Variants in CHMP3 observed in about 807,000 individuals in gnomAD.
CHMP3 encodes charged multivesicular body protein 3.
CHMP3 carries 8 observed loss-of-function variants against 27.4 expected under a neutral mutation model. The observed-to-expected ratio is 0.29, with a 90% CI of 0.17 to 0.53. The LOEUF (loss-of-function observed/expected upper bound fraction) is 0.53, where lower values mean the gene tolerates loss of function less well. Ranked by LOEUF, CHMP3 falls within the 20% of genes least tolerant of loss-of-function variation. The probability of loss-of-function intolerance (pLI) is 0.96; values close to 1 mark genes in which losing one functional copy is unlikely to be tolerated. For missense variants in CHMP3, 208 were observed against 271.5 expected, an observed-to-expected ratio of 0.77 and a Z score of 1.64; for synonymous variants, 86 against 85.5, an observed-to-expected ratio of 1.01 and a Z score of -0.03.
rs768644354 is a variant in CHMP3 at position 86,507,561 on chromosome 2, A to G, written c.441T>C (p.Thr147=). ...CTTCCTGATCGTCCATGCTTTCAAA[A>G]GTGTCCTCTAACATCTCCTCTATGA... ...AGIIEEMLED[T]FESMDDQEEM... The change falls in exon 5 of 6, where the codon ACT becomes ACC. Residue 147 remains threonine (T), a synonymous_variant. Coordinates refer to ENST00000263856, the MANE Select transcript of CHMP3 (RefSeq NM_016079.4). 2 of 1,614,182 alleles carry G rather than the reference A, an allele frequency of 1.2e-6. No individual in the cohort carries two copies. Among genetic ancestry groups the G allele is most frequent in the Non-Finnish European group, 1.7e-6 (2 of 1,180,028 alleles).
intron 3 of CHMP3, among the ~76,000 whole-genome samples, chr2:86,527,683 G>A (rs141583100): frequency 2.0e-5 from 3 of 152,168 alleles, no homozygotes; most frequent in East Asian, 3.9e-4. Flanking sequence ...AAGATAGGCC[G>A]GAAGTGGTGG....
chr2:86,518,799 G>A (rs144911722), intron 3 of CHMP3, among the ~76,000 whole-genome samples: 53 of 152,168 alleles, frequency 3.5e-4, no homozygotes, highest in Non-Finnish European at 5.9e-4. Flanking sequence ...AATCAGTGGC[G>A]TAGGCTAATA....
rs1054295166 is a variant in CHMP3 at position 86,520,114 on chromosome 2, G to C, written c.286+9104C>G. 2.0e-5 allele frequency among the ~76,000 whole-genome samples: 3 copies of C among 152,170 alleles called. No homozygotes were observed. In the South Asian group the frequency reaches 6.2e-4, roughly 31 times the overall value. Reference sequence around the variant, plus strand: ...AGTTATCAGTGGGTAAGGGGGCTGAGGCCAAGACAAAGAAATTGGTGAACA... The same window carrying C: ...AGTTATCAGTGGGTAAGGGGGCTGACGCCAAGACAAAGAAATTGGTGAACA... On this transcript the variant is annotated intron_variant, in intron 3 of 5. Transcript: ENST00000263856.
At chr2:86,524,825 C>T (rs1390132890) in intron 3 of CHMP3, among the ~76,000 whole-genome samples, 1 of 152,160 alleles carries the variant, frequency 6.6e-6, no homozygotes, top group Non-Finnish European at 1.5e-5. Flanking sequence ...TGGGTATTCA[C>T]TCTGCTTTTG....
At chr2:86,561,246 A>C (rs1369474229) in intron 1 of CHMP3, among the ~76,000 whole-genome samples, 1 of 152,212 alleles carries the variant, frequency 6.6e-6, no homozygotes, top group Non-Finnish European at 1.5e-5. Context: ...AAACTGTATG[A>C]CCTTGGGCAA....
intron 3 of CHMP3, among the ~76,000 whole-genome samples, chr2:86,521,210 GC>G (rs1336869604): frequency 3.9e-5 from 6 of 151,982 alleles, no homozygotes; most frequent in African/African-American, 1.5e-4. Context: ...TTTGGACTCA[GC>G]CCACCTGCAC....
chr2:86,520,064 A>G (rs1392041799), intron 3 of CHMP3, among the ~76,000 whole-genome samples: 1 of 152,216 alleles, frequency 6.6e-6, no homozygotes, highest in African/African-American at 2.4e-5. Flanking sequence ...AAACTGCAGG[A>G]CAGTTCATAT....
intron 5 of CHMP3, 49 bp downstream of exon 5, chr2:86,507,430 A>T (rs1294166350): frequency 3.3e-6 from 5 of 1,531,612 alleles, no homozygotes; most frequent in African/African-American, 1.4e-5. Flanking sequence ...TGAATGAAGG[A>T]AGAATGGCCA....
chr2:86,507,230 C>G (rs551679729), intron 5 of CHMP3: 2 of 354,696 alleles, frequency 5.6e-6, no homozygotes, highest in African/African-American at 4.2e-5. Flanking sequence ...GTTTAAAATC[C>G]CAACAGCAGT....
Position 86,563,368 on chromosome 2 carries a change from G to A in CHMP3, c.-20C>T, listed in dbSNP as rs1677474187. On this transcript the variant is annotated 5_prime_UTR_variant, in exon 1 of 6. Coordinates refer to ENST00000263856, the MANE Select transcript of CHMP3 (RefSeq NM_016079.4). ...CCCCATGACGAACTGAACCCGTCTT[G>A]CCCCTTCCGGCTTTCAGTTCCCCGC... 2 of 1,612,922 alleles carry A rather than the reference G, an allele frequency of 1.2e-6. No homozygotes were observed. Among genetic ancestry groups the A allele is most frequent in the Non-Finnish European group, 1.7e-6 (2 of 1,179,466 alleles).
At position 86,520,248 on chromosome 2, in the gene CHMP3, A is replaced by C. The variant is rs1675470471; in HGVS notation, c.286+8970T>G. ...CCTGAGACTGGGTTGTTTATAAAGA[A>C]AAGAGGTTTAATCAGCTCACAGTTC... On this transcript the variant is annotated intron_variant, in intron 3 of 5. Transcript: ENST00000263856. Among the ~76,000 whole-genome samples, 10 of 152,344 alleles carry C rather than the reference A, an allele frequency of 6.6e-5. 1 individual carries two copies. In the South Asian group the frequency reaches 2.1e-3, roughly 32 times the overall value.
At chr2:86,559,343 C>T (rs763856095) in intron 1 of CHMP3, among the ~76,000 whole-genome samples, 9 of 152,310 alleles carry the variant, frequency 5.9e-5, no homozygotes, top group Non-Finnish European at 7.4e-5. Flanking sequence ...CTGAGCTACA[C>T]CACTGGCTTC....
Position 86,516,853 on chromosome 2 carries a change from C to T in CHMP3, c.287-6374G>A, listed in dbSNP as rs1573246858. On this transcript the variant is annotated intron_variant, in intron 3 of 5. Transcript: ENST00000263856. ...TATAGAAATGGAGAATTAGTGGCTG[C>T]TAAGGAGAAGGTGGAGATGGGAGGA... 3.3e-5 allele frequency among the ~76,000 whole-genome samples: 5 copies of T among 152,096 alleles called. No homozygotes were observed. In the South Asian group the frequency reaches 1.0e-3, roughly 31 times the overall value.
rs1677091697 is a variant in CHMP3, at chr2:86,555,589, T to C, written c.45+7715A>G. Reference sequence around the variant, plus strand: ...GAGTATCACTAAGCCAAAATCAAGGTAGCAGGAAGGCCATGCTTCCTCCAG... The same window carrying C: ...GAGTATCACTAAGCCAAAATCAAGGCAGCAGGAAGGCCATGCTTCCTCCAG... On this transcript the variant is annotated intron_variant, in intron 1 of 5. Coordinates refer to ENST00000263856, the MANE Select transcript of CHMP3 (RefSeq NM_016079.4). Among the ~76,000 whole-genome samples, 2 of 152,140 alleles carry C rather than the reference T, an allele frequency of 1.3e-5. 1 individual carries two copies. Among genetic ancestry groups the C allele is most frequent in the South Asian group, 4.2e-4 (2 of 4,818 alleles).
At chr2:86,552,495 C>A (rs941149354) in intron 1 of CHMP3, among the ~76,000 whole-genome samples, 2 of 152,180 alleles carry the variant, frequency 1.3e-5, no homozygotes, top group Non-Finnish European at 2.9e-5. Flanking sequence ...AGGAAAGGGA[C>A]ACCTATAAAT....
chr2:86,539,405 C>A (rs1676273033), intron 2 of CHMP3, among the ~76,000 whole-genome samples: 1 of 152,060 alleles, frequency 6.6e-6, no homozygotes. Context: ...GAGTTTAAAC[C>A]TGGTAATGTT....
At chr2:86,561,254 C>T (rs1296962785) in intron 1 of CHMP3, among the ~76,000 whole-genome samples, 1 of 152,176 alleles carries the variant, frequency 6.6e-6, no homozygotes, top group African/African-American at 2.4e-5. Flanking sequence ...TGACCTTGGG[C>T]AAATTACCTA....
chr2:86,507,311 A>T, intron 5 of CHMP3, 168 bp downstream of exon 5: 1 of 587,862 alleles, frequency 1.7e-6, no homozygotes, highest in South Asian at 2.2e-5. Context: ...TTTTTAAAAG[A>T]TGGTTATAGA....
intron 2 of CHMP3, among the ~76,000 whole-genome samples, chr2:86,530,869 T>C (rs1404549553): frequency 1.3e-5 from 2 of 152,212 alleles, no homozygotes; most frequent in African/African-American, 2.4e-5. Flanking sequence ...GTTTTGATAG[T>C]AGTCATCCTA....
Sources: gnomAD v4.1 joint callset for allele counts (sites outside exome capture counted in the v4.1 genomes callset) on GRCh38, gnomAD v4.1.1 for gene constraint, MANE v1.5 for transcripts, NCBI Gene and HGNC (gene_info 2026-07-23, HGNC 2026-07-21) for gene names.